The following ERBB4 variants were observed in gnomAD, a reference collection of about 807,000 sequenced individuals.
ERBB4 encodes erb-b2 receptor tyrosine kinase 4.
ERBB4 carries 42 observed loss-of-function variants against 158.0 expected under a neutral mutation model. That is an observed-to-expected ratio of 0.27 (90% CI 0.21 to 0.34). The LOEUF is 0.34. Ranked by LOEUF, ERBB4 falls within the 10% of genes least tolerant of loss-of-function variation. The probability of loss-of-function intolerance (pLI) is 1.00; values close to 1 mark genes in which losing one functional copy is unlikely to be tolerated. For synonymous variants in ERBB4, 583 were observed against 558.7 expected (o/e 1.04, Z -0.61); for missense variants, 1,333 against 1,624.1 (o/e 0.82, Z 3.08).
intron 1 of ERBB4, among the ~76,000 whole-genome samples, chr2:212,392,708 C>T (rs1256432103): frequency 6.6e-6 from 1 of 152,056 alleles, no homozygotes; most frequent in African/African-American, 2.4e-5. Context: ...TTATGAATCC[C>T]TCCTTTTTCT....
chr2:211,879,374 C>G (rs73071355), intron 3 of ERBB4, among the ~76,000 whole-genome samples: 42,184 of 151,866 alleles, frequency 0.28, 6,350 homozygotes, highest in African/African-American at 0.37. Flanking sequence ...TAGGGAGTTC[C>G]CATTGAAAGC....
chr2:211,676,143 T>C (rs954031446), intron 13 of ERBB4, among the ~76,000 whole-genome samples: 4 of 152,112 alleles, frequency 2.6e-5, no homozygotes, highest in Non-Finnish European at 5.9e-5. Context: ...CCTCAAAGGC[T>C]ATCATAACCA....
chr2:212,229,315 G>A (rs992526848), intron 1 of ERBB4, among the ~76,000 whole-genome samples: 7 of 152,272 alleles, frequency 4.6e-5, no homozygotes, highest in African/African-American at 1.7e-4. Flanking sequence ...ACAAAAAGAT[G>A]CCTCGGTGAA....
At chr2:211,423,811 A>ATGTT (rs1047097464) in intron 23 of ERBB4, among the ~76,000 whole-genome samples, 1 of 151,528 alleles carries the variant, frequency 6.6e-6, no homozygotes, top group African/African-American at 2.4e-5. Flanking sequence ...AAGGTCACTA[A>ATGTT]TGTTTGATAT....
intron 1 of ERBB4, among the ~76,000 whole-genome samples, chr2:212,147,910 G>C (rs1415887148): frequency 6.6e-6 from 1 of 152,034 alleles, no homozygotes; most frequent in African/African-American, 2.4e-5. Context: ...TCCCTTTTCT[G>C]TGATTTATCC....
chr2:211,562,220 A>G (rs887572364), intron 19 of ERBB4, 132 bp from the exon 20 acceptor site: 5 of 751,268 alleles, frequency 6.7e-6, no homozygotes, highest in South Asian at 6.1e-5. Context: ...CAAAATGAAA[A>G]GACATAATTT....
chr2:211,712,932 T>C (rs1415747118), intron 8 of ERBB4, among the ~76,000 whole-genome samples: 3 of 152,122 alleles, frequency 2.0e-5, no homozygotes, highest in Admixed American at 1.3e-4. Context: ...AGATTTAGAC[T>C]TTATTTTCAT....
intron 3 of ERBB4, among the ~76,000 whole-genome samples, chr2:211,906,925 A>G (rs984596044): frequency 6.6e-6 from 1 of 151,618 alleles, no homozygotes; most frequent in Non-Finnish European, 1.5e-5. Context: ...TGGCATGTCT[A>G]TGTGCCTTAG....
chr2:212,124,494 G>A (rs1476554633), intron 2 of ERBB4: 2 of 482,136 alleles, frequency 4.1e-6, no homozygotes, highest in East Asian at 7.9e-5. Flanking sequence ...TAGATGTCAT[G>A]TACTACATGG....
intron 1 of ERBB4, among the ~76,000 whole-genome samples, chr2:212,510,982 T>C (rs978771696): frequency 3.3e-5 from 5 of 152,046 alleles, no homozygotes; most frequent in African/African-American, 1.2e-4. Context: ...CTAATAAGAA[T>C]ATATGACCCC....
chr2:212,285,290 C>T (rs1294689559), intron 1 of ERBB4, among the ~76,000 whole-genome samples: 1 of 152,080 alleles, frequency 6.6e-6, no homozygotes, highest in Non-Finnish European at 1.5e-5. Flanking sequence ...AGAAAGACAT[C>T]CATGAAGTGC....
chr2:211,570,818 C>T (rs549700764), intron 19 of ERBB4, among the ~76,000 whole-genome samples: 26 of 152,154 alleles, frequency 1.7e-4, no homozygotes, highest in East Asian at 3.9e-4. Flanking sequence ...CTTTGAGATC[C>T]GGTTTTTCTG....
At chr2:211,790,657 A>G (rs1222199703) in intron 3 of ERBB4, among the ~76,000 whole-genome samples, 2 of 152,070 alleles carry the variant, frequency 1.3e-5, no homozygotes, top group Non-Finnish European at 2.9e-5. Flanking sequence ...ATTAAGACAC[A>G]TGATCAATCC....
chr2:211,966,899 C>T (rs1020485506), intron 2 of ERBB4, among the ~76,000 whole-genome samples: 1 of 152,100 alleles, frequency 6.6e-6, no homozygotes, highest in African/African-American at 2.4e-5. Context: ...TTATCTACTT[C>T]ACACAATAGG....
At chr2:212,226,732 C>T (rs1574473252) in intron 1 of ERBB4, among the ~76,000 whole-genome samples, 1 of 151,996 alleles carries the variant, frequency 6.6e-6, no homozygotes, top group Non-Finnish European at 1.5e-5. Flanking sequence ...TCTTATCAGT[C>T]TTATCATATA....
intron 1 of ERBB4, among the ~76,000 whole-genome samples, chr2:212,133,395 T>TG (rs2080165981): frequency 6.9e-6 from 1 of 145,388 alleles, no homozygotes; most frequent in African/African-American, 2.7e-5. Flanking sequence ...TTCATTTTGG[T>TG]GTTTTTTTTT....
rs2062537564 is a variant in ERBB4, at chr2:211,379,428, T to C, written c.*4187A>G. On this transcript the variant is annotated 3_prime_UTR_variant, in exon 28 of 28. Coordinates refer to ENST00000342788, the MANE Select transcript of ERBB4 (RefSeq NM_005235.3). Reference sequence around the variant, plus strand: ...TAAGAGAATGAGAAAAAATTGTTCATTGTAATGCTTTAAAGCAAGTTTTCC... The same window carrying C: ...TAAGAGAATGAGAAAAAATTGTTCACTGTAATGCTTTAAAGCAAGTTTTCC... 1 of 229,556 alleles carries C rather than the reference T, an allele frequency of 4.4e-6. No individual in the cohort carries two copies. The highest frequency in any genetic ancestry group is 8.6e-6 in the Non-Finnish European group (1 of 115,870). The allele number at this position is 229,556 out of a possible 1,614,324, so 14.2% of individuals were successfully genotyped here. A position where few individuals can be genotyped will look rare whatever the true frequency, so the allele number is the denominator to read the frequency against.
At chr2:211,934,876 C>T (rs1363594793) in intron 3 of ERBB4, among the ~76,000 whole-genome samples, 1 of 123,882 alleles carries the variant, frequency 8.1e-6, no homozygotes, top group African/African-American at 2.9e-5. Context: ...CTTTTAGAAT[C>T]ATTTCATTTC....
intron 20 of ERBB4, among the ~76,000 whole-genome samples, chr2:211,451,590 A>G (rs1246052051): frequency 6.6e-6 from 1 of 152,146 alleles, no homozygotes; most frequent in Non-Finnish European, 1.5e-5. Flanking sequence ...ATTCCTAGCT[A>G]GGGAAGTGGT....
Sources: gnomAD v4.1 joint callset for allele counts (sites outside exome capture counted in the v4.1 genomes callset) on GRCh38, gnomAD v4.1.1 for gene constraint, MANE v1.5 for transcripts, NCBI Gene and HGNC (gene_info 2026-07-23, HGNC 2026-07-21) for gene names.